EIF2S1: variants seen among roughly 807,000 people sequenced by gnomAD.
EIF2S1 encodes the protein eukaryotic translation initiation factor 2 subunit alpha.
In EIF2S1, 5 loss-of-function variants were observed where a neutral mutation model predicts 33.5. That is an observed-to-expected ratio of 0.15 (90% CI 0.08 to 0.31). EIF2S1 has a LOEUF of 0.31. Among genes scored for constraint, EIF2S1 ranks in the 10% least tolerant of loss-of-function variants. The pLI, the probability that EIF2S1 is intolerant of heterozygous loss-of-function variation, is 1.00. For missense variants in EIF2S1, 191 were observed against 384.6 expected, an observed-to-expected ratio of 0.50 and a Z score of 4.21; for synonymous variants, 99 against 127.5, an observed-to-expected ratio of 0.78 and a Z score of 1.51.
intron 2 of EIF2S1, among the ~76,000 whole-genome samples, 157 bp downstream of exon 2, chr14:67,365,165 G>C (rs1373311235): frequency 6.6e-6 from 1 of 151,952 alleles, no homozygotes; most frequent in Non-Finnish European, 1.5e-5. Flanking sequence ...ATGCCAATTA[G>C]CTATCTAAGC....
intron 1 of EIF2S1, 110 bp downstream of exon 1, chr14:67,360,566 C>T (rs1271636574): frequency 9.8e-6 from 2 of 204,090 alleles, no homozygotes; most frequent in African/African-American, 2.3e-5. Context: ...TTTCCCGTCC[C>T]TGCGCGGGAA....
At position 67,383,462 on chromosome 14, in the gene EIF2S1, A is replaced by G. The variant is rs761968082; in HGVS notation, c.*22A>G. The G allele has an allele frequency of 9.3e-6, 15 of 1,611,176 alleles. No homozygotes were observed. The highest frequency in any genetic ancestry group is 1.7e-5 in the Admixed American group (1 of 59,896). On this transcript the variant is annotated 3_prime_UTR_variant, in exon 8 of 8. Coordinates refer to ENST00000256383, the MANE Select transcript of EIF2S1 (RefSeq NM_004094.5). ...TTAACTTTGTGGGAAACAGAGTCCAATTTAAGGAACACAGAGCAGCGCTTC... is the reference window on the plus strand; with the variant it reads ...TTAACTTTGTGGGAAACAGAGTCCAGTTTAAGGAACACAGAGCAGCGCTTC...
At chr14:67,382,410 G>A in intron 6 of EIF2S1, 37 bp from the exon 7 acceptor site, 1 of 1,579,894 alleles carries the variant, frequency 6.3e-7, no homozygotes. Context: ...GGTTCTGTAG[G>A]TACATTCATA....
intron 1 of EIF2S1, among the ~76,000 whole-genome samples, chr14:67,361,984 C>G (rs1365800537): frequency 6.7e-6 from 1 of 148,708 alleles, no homozygotes; most frequent in Non-Finnish European, 1.5e-5. Context: ...CCACTCTATA[C>G]TTAATTACTT....
chr14:67,378,218 A>T (rs1032948278), intron 4 of EIF2S1, among the ~76,000 whole-genome samples: 3 of 151,118 alleles, frequency 2.0e-5, no homozygotes, highest in African/African-American at 7.3e-5. Flanking sequence ...TAGAGGGGGG[A>T]AAAAAGAGAA....
rs3067321 is a variant in EIF2S1 at position 67,375,232 on chromosome 14, C to CTGTGTG, written c.321+731_321+736dup. Among the ~76,000 whole-genome samples the CTGTGTG allele has an allele frequency of 2.7e-3, 373 of 137,664 alleles. 2 individuals carry two copies. The highest frequency in any genetic ancestry group is 0.011 in the East Asian group (52 of 4,626). 90.3% of individuals were successfully genotyped at this position (137,664 alleles called of 152,430 possible). On this transcript the variant is annotated intron_variant, in intron 3 of 7. Coordinates refer to ENST00000256383, the MANE Select transcript of EIF2S1 (RefSeq NM_004094.5). ...TCCTTCATCCTCTACATCCTCAGTT[C>CTGTGTG]TGTGTGTGTGTGTGTGTGTGTGTGT...
chr14:67,380,792 C>T (rs758692611), intron 5 of EIF2S1, 27 bp downstream of exon 5: 1 of 1,315,378 alleles, frequency 7.6e-7, no homozygotes, highest in Admixed American at 2.4e-5. Context: ...ATGATTTTTA[C>T]AGTATTTTGC....
Position 67,380,571 on chromosome 14 carries a change from A to G in EIF2S1, c.474-88A>G, listed in dbSNP as rs192580459. ...TGCATTAACTATTATATGCTTAACT[A>G]TTATATGCATTGTTCCATAGTGTTT... On this transcript the variant is annotated intron_variant, in intron 4 of 7. Coordinates refer to ENST00000256383, the MANE Select transcript of EIF2S1 (RefSeq NM_004094.5). 372 of 588,566 alleles carry G rather than the reference A, an allele frequency of 6.3e-4. 3 individuals carry two copies. In the African/African-American group the frequency reaches 6.6e-3, roughly 11 times the overall value. The allele number at this position is 588,566 out of a possible 1,614,324, so 36.5% of individuals were successfully genotyped here. A position where few individuals can be genotyped will look rare whatever the true frequency, so the allele number is the denominator to read the frequency against.
Position 67,374,508 on chromosome 14 carries a change from A to T in EIF2S1, c.282A>T (p.Glu94Asp). ...DLSKRRVSPE[E>D]AIKCEDKFTK... Reference sequence around the variant, plus strand: ...CAAAAAGAAGAGTTTCTCCAGAGGAAGCAATCAAATGTGAAGACAAATTCA... The same window carrying T: ...CAAAAAGAAGAGTTTCTCCAGAGGATGCAATCAAATGTGAAGACAAATTCA... Residue 94 changes from glutamate (E) to aspartate (D), a missense_variant, in exon 3 of 8, where the codon GAA becomes GAT. Glu to Asp is a conservative substitution (Grantham distance 45, BLOSUM62 2). Coordinates refer to ENST00000256383, the MANE Select transcript of EIF2S1 (RefSeq NM_004094.5). 1 of 1,608,466 alleles carries T rather than the reference A, an allele frequency of 6.2e-7. No homozygotes were observed. The highest frequency in any genetic ancestry group is 8.5e-7 in the Non-Finnish European group (1 of 1,176,746).
intron 2 of EIF2S1, among the ~76,000 whole-genome samples, chr14:67,368,375 A>G (rs1284771969): frequency 6.6e-6 from 1 of 152,184 alleles, no homozygotes; most frequent in Admixed American, 6.5e-5. Context: ...AAGGCATGCT[A>G]CCAAGCAAGC....
chr14:67,381,778 TCACA>T, intron 6 of EIF2S1, 88 bp downstream of exon 6: 4 of 923,698 alleles, frequency 4.3e-6, no homozygotes, highest in African/African-American at 1.7e-5. Context: ...TTTTTTTTAA[TCACA>T]TTTCATAACA....
intron 2 of EIF2S1, among the ~76,000 whole-genome samples, chr14:67,373,528 A>G (rs1415527870): frequency 6.6e-6 from 1 of 152,220 alleles, no homozygotes; most frequent in African/African-American, 2.4e-5. Flanking sequence ...GAAAAACACC[A>G]CAGACATGCT....
At chr14:67,371,425 A>T (rs2056458421) in intron 2 of EIF2S1, among the ~76,000 whole-genome samples, 1 of 151,992 alleles carries the variant, frequency 6.6e-6, no homozygotes. Flanking sequence ...CTCCCACCAA[A>T]AAAAAAAAAG....
At chr14:67,372,036 G>T (rs1022933366) in intron 2 of EIF2S1, among the ~76,000 whole-genome samples, 6 of 152,088 alleles carry the variant, frequency 3.9e-5, no homozygotes, top group South Asian at 2.1e-4. Context: ...AGGCCTAGGT[G>T]GGGGGATCAC....
At chr14:67,361,613 A>G (rs929353957) in intron 1 of EIF2S1, among the ~76,000 whole-genome samples, 18 of 152,352 alleles carry the variant, frequency 1.2e-4, no homozygotes, top group Admixed American at 4.6e-4. Context: ...CAGTTTGACC[A>G]TGCACTGTTT....
chr14:67,363,254 T>A (rs1306061066), intron 1 of EIF2S1, among the ~76,000 whole-genome samples: 1 of 150,998 alleles, frequency 6.6e-6, no homozygotes, highest in Non-Finnish European at 1.5e-5. Context: ...AACAGTCAGC[T>A]GTTTCTTGGT....
At chr14:67,377,894 G>A (rs1246355082) in intron 4 of EIF2S1, among the ~76,000 whole-genome samples, 1 of 151,750 alleles carries the variant, frequency 6.6e-6, no homozygotes, top group Non-Finnish European at 1.5e-5. Flanking sequence ...GATTGCTTGA[G>A]GCCAGGAGTT....
At chr14:67,361,254 G>A (rs905156632) in intron 1 of EIF2S1, among the ~76,000 whole-genome samples, 2 of 152,156 alleles carry the variant, frequency 1.3e-5, no homozygotes, top group Non-Finnish European at 2.9e-5. Flanking sequence ...AAAAAGTATA[G>A]CAGAGAAGTC....
chr14:67,367,619 G>A (rs949298620), intron 2 of EIF2S1, among the ~76,000 whole-genome samples: 3 of 137,760 alleles, frequency 2.2e-5, no homozygotes, highest in African/African-American at 3.1e-5. Context: ...GGCACGTTGC[G>A]TGAACTCACA....
Sources: allele counts gnomAD v4.1 joint callset (sites outside exome capture counted in the v4.1 genomes callset), GRCh38; gene constraint gnomAD v4.1.1; transcripts MANE v1.5; gene names NCBI Gene and HGNC (gene_info 2026-07-23, HGNC 2026-07-21).